Variants in RIC1 observed in about 807,000 individuals in gnomAD.
The protein encoded by RIC1 is guanine nucleotide exchange factor subunit RIC1.
A neutral mutation model predicts 169.0 loss-of-function variants in RIC1; 88 were observed. The ratio of observed to expected loss-of-function variants is 0.52; its 90% CI spans 0.44 to 0.62. The LOEUF (loss-of-function observed/expected upper bound fraction) is 0.62, where lower values mean the gene tolerates loss of function less well. Ranked by LOEUF, RIC1 falls within the 20% of genes least tolerant of loss-of-function variation. The pLI is 0.00. For synonymous variants in RIC1, 790 were observed against 601.5 expected, an observed-to-expected ratio of 1.31 and a Z score of -4.59; for missense variants, 1,877 against 1,725.5, an observed-to-expected ratio of 1.09 and a Z score of -1.56.
rs375236405 is a variant in RIC1, at chr9:5,653,965, C to T, written c.145-2618C>T. ...TTTGTAACTTTTTTCTATAGATAAA[C>T]GTATTGTGTTACATAGTTTTTTAAA... On this transcript the variant is annotated intron_variant, in intron 1 of 25. Transcript: ENST00000414202. Among the ~76,000 whole-genome samples the T allele has an allele frequency of 8.7e-4, 133 of 152,202 alleles. 3 individuals carry two copies. The South Asian group carries it at 0.026, about 30-fold the overall frequency.
rs1192586534 is a variant in RIC1 at position 5,765,927 on chromosome 9, A to C, written c.3137+129A>C. 3 of 1,146,902 alleles carry C rather than the reference A, an allele frequency of 2.6e-6. No individual in the cohort carries two copies. In the East Asian group the frequency reaches 7.5e-5, roughly 29 times the overall value. 71.0% of individuals were successfully genotyped at this position (1,146,902 alleles called of 1,614,324 possible). ...ATTGCAGTTTCTTTTTCCATTCCCA[A>C]AAAGCAGAGGCCACACAGAAGGCTT... On this transcript the variant is annotated intron_variant, in intron 21 of 25. Coordinates refer to ENST00000414202, the MANE Select transcript of RIC1 (RefSeq NM_020829.4).
intron 1 of RIC1, among the ~76,000 whole-genome samples, chr9:5,648,482 C>G (rs1818642604): frequency 6.6e-6 from 1 of 152,076 alleles, no homozygotes; most frequent in Non-Finnish European, 1.5e-5. Flanking sequence ...TGGCTATGAA[C>G]TTGGGGGTGC....
intron 2 of RIC1, among the ~76,000 whole-genome samples, chr9:5,663,822 T>A (rs1384297053): frequency 6.6e-6 from 1 of 152,240 alleles, no homozygotes; most frequent in African/African-American, 2.4e-5. Context: ...AGGTTAGTAT[T>A]GTTATGTGTG....
chr9:5,685,009 C>T (rs1327408540), intron 2 of RIC1, among the ~76,000 whole-genome samples: 1 of 151,894 alleles, frequency 6.6e-6, no homozygotes, highest in Non-Finnish European at 1.5e-5. Flanking sequence ...CTTGGATAAA[C>T]CTCATTTGGT....
intron 15 of RIC1, among the ~76,000 whole-genome samples, chr9:5,755,242 G>T (rs1825936986): frequency 6.6e-6 from 1 of 152,158 alleles, no homozygotes; most frequent in South Asian, 2.1e-4. Flanking sequence ...CTCAGAGATA[G>T]ATTTATTTAG....
intron 7 of RIC1, among the ~76,000 whole-genome samples, chr9:5,733,456 C>G (rs1445987938): frequency 6.6e-6 from 1 of 151,804 alleles, no homozygotes; most frequent in Non-Finnish European, 1.5e-5. Context: ...TTTAGTAGAG[C>G]AGGCATTTCA....
At chr9:5,667,762 G>A (rs1160259805) in intron 2 of RIC1, among the ~76,000 whole-genome samples, 1 of 152,084 alleles carries the variant, frequency 6.6e-6, no homozygotes, top group African/African-American at 2.4e-5. Flanking sequence ...GCCTTGGCCT[G>A]TCAAGTGCTG....
intron 6 of RIC1, among the ~76,000 whole-genome samples, chr9:5,726,996 T>C (rs1482761511): frequency 6.6e-6 from 1 of 152,202 alleles, no homozygotes; most frequent in East Asian, 1.9e-4. Flanking sequence ...ATTTTTTCCT[T>C]CATTTCAACT....
chr9:5,687,736 C>A (rs914847122), intron 2 of RIC1, among the ~76,000 whole-genome samples: 1 of 152,082 alleles, frequency 6.6e-6, no homozygotes, highest in African/African-American at 2.4e-5. Flanking sequence ...TGCTATTATT[C>A]TTGTTTTAAA....
intron 3 of RIC1, among the ~76,000 whole-genome samples, chr9:5,707,748 C>T (rs1586987837): frequency 6.6e-6 from 1 of 152,078 alleles, no homozygotes; most frequent in Admixed American, 6.6e-5. Context: ...CTTCCACCTT[C>T]AACTTGTTTC....
chr9:5,671,832 A>T (rs371358670), intron 2 of RIC1, among the ~76,000 whole-genome samples: 1 of 152,166 alleles, frequency 6.6e-6, no homozygotes, highest in African/African-American at 2.4e-5. Flanking sequence ...GGCAGAGGGA[A>T]AGGTTTGCTT....
Position 5,656,609 on chromosome 9 carries a change from G to A in RIC1, c.171G>A (p.Lys57=). ...SRPSVLIVTY[K]EPAKSSTQFG... ...CTAGTGTGTTAATTGTAACCTACAA[G>A]GAGCCTGCAAAATCATCTACTCAGT... Residue 57 remains lysine (K), a synonymous_variant, in exon 2 of 26, where the codon AAG becomes AAA. Transcript: ENST00000414202. 6.2e-7 allele frequency: 1 copy of A among 1,605,606 alleles called. No homozygotes were observed. The highest frequency in any genetic ancestry group is 8.5e-7 in the Non-Finnish European group (1 of 1,175,228).
At chr9:5,646,858 G>T (rs1196323047) in intron 1 of RIC1, among the ~76,000 whole-genome samples, 1 of 152,114 alleles carries the variant, frequency 6.6e-6, no homozygotes, top group South Asian at 2.1e-4. Flanking sequence ...TGTGCTTTCA[G>T]TATCATATCC....
At chr9:5,759,597 CAATT>C (rs1826210695) in intron 17 of RIC1, among the ~76,000 whole-genome samples, 1 of 152,110 alleles carries the variant, frequency 6.6e-6, no homozygotes, top group Admixed American at 6.5e-5. Flanking sequence ...ACTGTTGAAA[CAATT>C]AGGGATATTT....
chr9:5,725,652 G>T (rs989824090), intron 6 of RIC1, among the ~76,000 whole-genome samples: 2 of 151,974 alleles, frequency 1.3e-5, no homozygotes, highest in Non-Finnish European at 1.5e-5. Context: ...TGTGATGTTA[G>T]GGTGTCAATT....
intron 21 of RIC1, 53 bp downstream of exon 21, chr9:5,765,851 T>C: frequency 1.9e-6 from 3 of 1,586,090 alleles, no homozygotes; most frequent in Non-Finnish European, 2.6e-6. Flanking sequence ...ACACATTGCA[T>C]TTCAAGACAT....
chr9:5,709,639 T>G (rs1043827001), intron 3 of RIC1, among the ~76,000 whole-genome samples: 16 of 152,202 alleles, frequency 1.1e-4, no homozygotes, highest in African/African-American at 3.6e-4. Context: ...TTCAACTTAT[T>G]CTTCTAGCCT....
intron 3 of RIC1, among the ~76,000 whole-genome samples, chr9:5,702,817 G>C (rs779028231): frequency 7.2e-5 from 11 of 152,156 alleles, no homozygotes; most frequent in Admixed American, 7.2e-4. Flanking sequence ...AAAGTGCTAG[G>C]ATTACAGGCG....
intron 8 of RIC1, among the ~76,000 whole-genome samples, chr9:5,741,145 T>C (rs1335351506): frequency 2.0e-5 from 3 of 152,210 alleles, no homozygotes; most frequent in Non-Finnish European, 4.4e-5. Context: ...TTTTTATACA[T>C]TGAAGAATTT....
Sources: allele counts gnomAD v4.1 joint callset (sites outside exome capture counted in the v4.1 genomes callset), GRCh38; gene constraint gnomAD v4.1.1; transcripts MANE v1.5; gene names NCBI Gene and HGNC (gene_info 2026-07-23, HGNC 2026-07-21).